ELP1: variants seen among roughly 807,000 people sequenced by gnomAD.
ELP1 encodes elongator acetyltransferase complex subunit 1, also known as elongator complex protein 1.
In ELP1, 131 loss-of-function variants were observed where a neutral mutation model predicts 183.2. That is an observed-to-expected ratio of 0.72 (90% CI 0.62 to 0.83). ELP1 has a LOEUF of 0.83. Ranked by LOEUF, ELP1 falls within the 40% of genes least tolerant of loss-of-function variation. The pLI is 0.00. For missense variants in ELP1, 1,550 were observed against 1,594.9 expected (o/e 0.97, Z 0.48); for synonymous variants, 555 against 569.0 (o/e 0.98, Z 0.35).
At chr9:108,919,777 G>A (rs1829576705) in intron 6 of ELP1, among the ~76,000 whole-genome samples, 1 of 152,178 alleles carries the variant, frequency 6.6e-6, no homozygotes, top group Non-Finnish European at 1.5e-5. Flanking sequence ...AAGGTGAATA[G>A]GGAGGAGCCA....
intron 1 of ELP1, among the ~76,000 whole-genome samples, chr9:108,932,636 C>A (rs988681397): frequency 6.6e-6 from 1 of 152,178 alleles, no homozygotes; most frequent in African/African-American, 2.4e-5. Context: ...GCCACCGTGC[C>A]TGGCTGCGTT....
intron 14 of ELP1, among the ~76,000 whole-genome samples, 174 bp downstream of exon 14, chr9:108,906,129 C>T (rs1158733028): frequency 6.6e-6 from 1 of 152,166 alleles, no homozygotes; most frequent in Non-Finnish European, 1.5e-5. Flanking sequence ...TATTTTTGGT[C>T]TGTTATTTTG....
intron 1 of ELP1, among the ~76,000 whole-genome samples, chr9:108,932,038 A>T (rs2132054732): frequency 6.6e-6 from 1 of 152,304 alleles, no homozygotes; most frequent in South Asian, 2.1e-4. Context: ...TAAGTCCCTA[A>T]CTTATGTTAG....
intron 32 of ELP1, 22 bp downstream of exon 32, chr9:108,880,030 T>C (rs1224129136): frequency 2.0e-6 from 3 of 1,475,368 alleles, no homozygotes; most frequent in South Asian, 2.3e-5. Context: ...CGCACGTCGA[T>C]GGCCTTCACG....
At chr9:108,925,054 A>G (rs2132040985) in intron 5 of ELP1, among the ~76,000 whole-genome samples, 1 of 152,250 alleles carries the variant, frequency 6.6e-6, no homozygotes, top group South Asian at 2.1e-4. Context: ...TTTTTTCCTG[A>G]ATGATTCCTG....
intron 4 of ELP1, 107 bp downstream of exon 4, chr9:108,927,265 G>T: frequency 2.3e-6 from 2 of 859,826 alleles, no homozygotes; most frequent in South Asian, 1.3e-5. Context: ...TATTATACTG[G>T]TTCAAAGAAA....
chr9:108,928,969 C>A (rs1461795365), intron 3 of ELP1, among the ~76,000 whole-genome samples: 1 of 152,226 alleles, frequency 6.6e-6, no homozygotes, highest in African/African-American at 2.4e-5. Flanking sequence ...TGTGCCTTAA[C>A]TGCCTCTTCT....
intron 5 of ELP1, among the ~76,000 whole-genome samples, chr9:108,926,205 C>CT (rs1829819605): frequency 6.6e-6 from 1 of 152,206 alleles, no homozygotes; most frequent in Non-Finnish European, 1.5e-5. Flanking sequence ...TTCCATCTTT[C>CT]TTCTTTTCTT....
In ELP1 at chr9:108,929,928, C is replaced by T; in HGVS notation, c.151-7G>A. On this transcript the variant is annotated splice_region_variant and splice_polypyrimidine_tract_variant and intron_variant, in intron 2 of 36. Coordinates refer to ENST00000374647, the MANE Select transcript of ELP1 (RefSeq NM_003640.5). ...AAGAAACTTCATTTTTCACCTTTCACCAAAGTAAACACAAGCAAATTAACC... is the reference window on the plus strand; with the variant it reads ...AAGAAACTTCATTTTTCACCTTTCATCAAAGTAAACACAAGCAAATTAACC... The T allele has an allele frequency of 6.2e-7, 1 of 1,613,260 alleles. No individual in the cohort carries two copies. The highest frequency in any genetic ancestry group is 8.5e-7 in the Non-Finnish European group (1 of 1,179,968).
rs752259389 is a variant in ELP1 at position 108,894,046 on chromosome 9, T to C, written c.2757A>G (p.Pro919=). The C allele has an allele frequency of 6.6e-7, 1 of 1,515,808 alleles. No individual in the cohort carries two copies. The highest frequency in any genetic ancestry group is 1.7e-5 in the Admixed American group (1 of 59,614). 93.9% of individuals were successfully genotyped at this position (1,515,808 alleles called of 1,614,324 possible). A position where few individuals can be genotyped will look rare whatever the true frequency, so the allele number is the denominator to read the frequency against. ...KSQKDPKEYL[P]FLNTLKKMET... ...CCATTTTCTTAAGTGTATTAAGAAA[T>C]GGAAGATATTCTTTGGGATCCTAAA... is the stretch of plus-strand genomic sequence containing the variant. Residue 919 remains proline, a synonymous_variant, in exon 26 of 37, where the codon CCA becomes CCG. Coordinates refer to ENST00000374647, the MANE Select transcript of ELP1 (RefSeq NM_003640.5).
chr9:108,917,546 C>T lies in ELP1; in HGVS notation c.864+1G>A, dbSNP rs748112612. 1 of 1,613,608 alleles carries T rather than the reference C, an allele frequency of 6.2e-7. No homozygotes were observed. On this transcript the variant is annotated splice_donor_variant, in intron 9 of 36. Coordinates refer to ENST00000374647, the MANE Select transcript of ELP1 (RefSeq NM_003640.5). LOFTEE classifies it high-confidence loss of function. ...AGGGTGAAACAAACTCAGGCACTTA[C>T]CTTAACCTCATCTTTAAGGAAGGGA...
rs765859547 is a variant in ELP1 at position 108,903,647 on chromosome 9, C to T, written c.1666G>A (p.Val556Ile). Residue 556 changes from valine (V) to isoleucine (I), a missense_variant, in exon 15 of 37, where the codon GTC becomes ATC. Transcript: ENST00000374647. ...GAATTGCAACATAGACTGATTATGA[C>T]CCCATCCACCGCTGCAGATGAACTG... is the stretch of plus-strand genomic sequence containing the variant. ...NVSSSAAVDG[V>I]IISLCCNSKT... The T allele has an allele frequency of 6.2e-7, 1 of 1,613,656 alleles. No individual in the cohort carries two copies. Among genetic ancestry groups the T allele is most frequent in the East Asian group, 2.2e-5 (1 of 44,880 alleles).
Position 108,902,905 on chromosome 9 carries a change from A to G in ELP1, c.1788T>C (p.Ser596=). 1.2e-6 allele frequency: 2 copies of G among 1,614,068 alleles called. No homozygotes were observed. Among genetic ancestry groups the G allele is most frequent in the Non-Finnish European group, 1.7e-6 (2 of 1,179,922 alleles). The change falls in exon 16 of 37, where the codon TCT becomes TCC. Residue 596 remains serine (S), a synonymous_variant. Coordinates refer to ENST00000374647, the MANE Select transcript of ELP1 (RefSeq NM_003640.5). ...PSLAIKPWKN[S]GGFPVRFPYP... ...AAGGAAACCGAACAGGAAATCCACC[A>G]GAGTTCTTCCATGGTTTAATAGCCA... is the stretch of plus-strand genomic sequence containing the variant.
At chr9:108,932,395 G>A (rs1354477225) in intron 1 of ELP1, among the ~76,000 whole-genome samples, 1 of 152,144 alleles carries the variant, frequency 6.6e-6, no homozygotes, top group East Asian at 1.9e-4. Flanking sequence ...AGGCTGGGGT[G>A]CAATGGCGCG....
chr9:108,875,380 A>G (rs1827671441), intron 35 of ELP1, among the ~76,000 whole-genome samples: 1 of 152,270 alleles, frequency 6.6e-6, no homozygotes, highest in African/African-American at 2.4e-5. Flanking sequence ...ACATGTGCAT[A>G]CTATGGAGCA....
At chr9:108,907,105 G>C (rs954353426) in intron 13 of ELP1, among the ~76,000 whole-genome samples, 1 of 152,040 alleles carries the variant, frequency 6.6e-6, no homozygotes, top group African/African-American at 2.4e-5. Context: ...CCGGACTCAG[G>C]CTCTCCATTG....
intron 29 of ELP1, among the ~76,000 whole-genome samples, chr9:108,888,782 A>G (rs993738198): frequency 2.0e-5 from 3 of 152,238 alleles, no homozygotes; most frequent in Non-Finnish European, 4.4e-5. Flanking sequence ...CTACAAGGCA[A>G]TAATCCCTGG....
chr9:108,901,666 G>C lies in ELP1; in HGVS notation c.1870C>G (p.Leu624Val). The C allele has an allele frequency of 6.2e-7, 1 of 1,614,140 alleles. No individual in the cohort carries two copies. The highest frequency in any genetic ancestry group is 8.5e-7 in the Non-Finnish European group (1 of 1,179,978). The change falls in exon 17 of 37, where the codon CTG (leucine) becomes GTG (valine). Residue 624 changes from leucine (L) to valine (V), a missense_variant. Coordinates refer to ENST00000374647, the MANE Select transcript of ELP1 (RefSeq NM_003640.5). ...ATGAAAAAGCGACACCTGTCAGTCA[G>C]ACCAAGGACACATTCCTGCAAAGAA... Reference protein sequence around the residue: ...MIGEEECVLGLTDRCRFFIND... With the variant: ...MIGEEECVLGVTDRCRFFIND...
Position 108,893,943 on chromosome 9 carries a change from C to T in ELP1, c.2860G>A (p.Gly954Arg). ...EKAIGHLSKCGPEYFPECLNL... is the reference protein window; with the variant it reads ...EKAIGHLSKCRPEYFPECLNL... ...TAAACATACTAATCCCCACACTTAC[C>T]ACATTTGCTGAGGTGGCCAATGGCT... The change falls in exon 26 of 37, where the codon GGA (glycine) becomes AGA (arginine). Residue 954 changes from glycine (G) to arginine (R), a missense_variant and splice_region_variant. Gly to Arg is a moderately radical substitution (Grantham distance 125). Transcript: ENST00000374647. 1 of 1,613,796 alleles carries T rather than the reference C, an allele frequency of 6.2e-7. No individual in the cohort carries two copies. The highest frequency in any genetic ancestry group is 2.2e-5 in the East Asian group (1 of 44,826).
Sources: allele counts gnomAD v4.1 joint callset (sites outside exome capture counted in the v4.1 genomes callset), GRCh38; gene constraint gnomAD v4.1.1; transcripts MANE v1.5; gene names NCBI Gene and HGNC (gene_info 2026-07-23, HGNC 2026-07-21).